MLST8: variants seen among roughly 807,000 people sequenced by gnomAD.
MLST8 encodes the protein MTOR associated protein MLST8.
A neutral mutation model predicts 41.3 loss-of-function variants in MLST8; 20 were observed. The observed-to-expected ratio is 0.48, with a 90% CI of 0.34 to 0.70. The LOEUF is 0.70. Ranked by LOEUF, MLST8 falls within the 30% of genes least tolerant of loss-of-function variation. MLST8 has a pLI of 0.01. For missense variants in MLST8, 422 were observed against 454.3 expected (o/e 0.93, Z 0.65); for synonymous variants, 243 against 183.0 (o/e 1.33, Z -2.65).
Position 2,208,221 on chromosome 16 carries a change from T to C in MLST8, c.585T>C (p.Tyr195=), listed in dbSNP as rs1596725238. The C allele has an allele frequency of 6.2e-7, 1 of 1,611,948 alleles. No individual in the cohort carries two copies. The highest frequency in any genetic ancestry group is 8.5e-7 in the Non-Finnish European group (1 of 1,178,678). ...MAAVNSTGNC[Y]VWNLTGGIGD... is the part of the protein sequence containing the mutation. ...CTCCTGACCTCTAGGGAAACTGCTA[T>C]GTCTGGAATCTGACGGGGGGCATTG... is the stretch of plus-strand genomic sequence containing the variant. The change falls in exon 7 of 9, where the codon TAT becomes TAC. Residue 195 remains tyrosine (Y), a synonymous_variant. Transcript: ENST00000569417.
intron 6 of MLST8, 121 bp downstream of exon 6, chr16:2,207,466 C>G (rs1596719173): frequency 7.9e-7 from 1 of 1,260,746 alleles, no homozygotes; most frequent in East Asian, 2.4e-5. Context: ...ATCCCGGGCA[C>G]TAACACCCAC....
chr16:2,205,855 G>T, intron 1 of MLST8, 176 bp from the exon 2 acceptor site: 1 of 1,306,344 alleles, frequency 7.7e-7, no homozygotes, highest in Non-Finnish European at 9.8e-7. Flanking sequence ...TGGAGCACGC[G>T]CCCTGGAGCC....
At position 2,209,399 on chromosome 16, in the gene MLST8, A is replaced by T; in HGVS notation, c.*522A>T. The stretch of plus-strand genomic sequence containing the variant: ...GTAATAAAAGCAGACCGACACGCAG[A>T]TGTTGCTCGGGAAGCAGATGTCGAT... On this transcript the variant is annotated 3_prime_UTR_variant, in exon 9 of 9. Coordinates refer to ENST00000569417, the MANE Select transcript of MLST8 (RefSeq NM_022372.6). 2 of 1,613,788 alleles carry T rather than the reference A, an allele frequency of 1.2e-6. No homozygotes were observed. The highest frequency in any genetic ancestry group is 1.7e-6 in the Non-Finnish European group (2 of 1,179,960).
chr16:2,208,448 A>G lies in MLST8; in HGVS notation c.699-2A>G, dbSNP rs750168104. 3 of 1,612,494 alleles carry G rather than the reference A, an allele frequency of 1.9e-6. No individual in the cohort carries two copies. The highest frequency in any genetic ancestry group is 4.5e-5 in the East Asian group (2 of 44,864). Reference sequence around the variant, plus strand: ...TGGACACGCCCCATGCCCACCCACTAGGCTCCTCGCCACCTGCTCGGCTGA... The same window carrying G: ...TGGACACGCCCCATGCCCACCCACTGGGCTCCTCGCCACCTGCTCGGCTGA... On this transcript the variant is annotated splice_acceptor_variant, in intron 7 of 8. Coordinates refer to ENST00000569417, the MANE Select transcript of MLST8 (RefSeq NM_022372.6). LOFTEE classifies it high-confidence loss of function.
chr16:2,205,915 C>G, intron 1 of MLST8, 116 bp from the exon 2 acceptor site: 1 of 1,442,454 alleles, frequency 6.9e-7, no homozygotes, highest in Non-Finnish European at 9.1e-7. Context: ...CCTACCTGCG[C>G]TTCTTGTCCC....
In MLST8 at chr16:2,208,559, C is replaced by T. The variant is rs977546789; in HGVS notation, c.808C>T (p.Arg270Cys). Residue 270 changes from arginine to cysteine, a missense_variant, in exon 8 of 9, where the codon CGC becomes TGC. Physicochemically the swap from Arg to Cys is radical, Grantham distance 180. Coordinates refer to ENST00000569417, the MANE Select transcript of MLST8 (RefSeq NM_022372.6). ...GAGCGGCAACCCCGGGGAGTCCTCCCGCGGCTGGATGTGGGGCTGCGCCTT... is the reference window on the plus strand; with the variant it reads ...GAGCGGCAACCCCGGGGAGTCCTCCTGCGGCTGGATGTGGGGCTGCGCCTT... ...IKSGNPGESS[R>C]GWMWGCAFSG... The T allele has an allele frequency of 1.1e-5, 17 of 1,612,862 alleles. No individual in the cohort carries two copies. The highest frequency in any genetic ancestry group is 1.4e-5 in the Non-Finnish European group (17 of 1,179,786).
rs972893144 is a variant in MLST8 at position 2,209,068 on chromosome 16, G to A, written c.*191G>A. ...CCCAGTTGCTTATCCAGATGTGACA[G>A]AGCTCGACCCAAGCCAGGCTGCACA... On this transcript the variant is annotated 3_prime_UTR_variant, in exon 9 of 9. Transcript: ENST00000569417. 12 of 678,638 alleles carry A rather than the reference G, an allele frequency of 1.8e-5. No homozygotes were observed. The highest frequency in any genetic ancestry group is 5.3e-5 in the Admixed American group (2 of 37,426). 42.0% of individuals were successfully genotyped at this position (678,638 alleles called of 1,614,324 possible). A position where few individuals can be genotyped will look rare whatever the true frequency, so the allele number is the denominator to read the frequency against.
intron 8 of MLST8, 37 bp downstream of exon 8, chr16:2,208,650 C>T (rs542163860): frequency 1.2e-4 from 198 of 1,611,904 alleles, no homozygotes; most frequent in African/African-American, 1.2e-4. Flanking sequence ...CCCTGGCCCC[C>T]GGCGCTGGCC....
At chr16:2,208,180 G>A (rs368486619) in intron 6 of MLST8, 30 bp from the exon 7 acceptor site, 2 of 1,579,118 alleles carry the variant, frequency 1.3e-6, no homozygotes, top group Non-Finnish European at 1.7e-6. Context: ...GAGGCCTTGG[G>A]CCCTCCGTGA....
At chr16:2,205,803 T>TG (rs3214648) in intron 1 of MLST8, 626 of 1,077,178 alleles carry the variant, frequency 5.8e-4, no homozygotes, top group East Asian at 1.7e-3. Flanking sequence ...GCTGCGGAGG[T>TG]GGGGGGGGGA....
In MLST8 at chr16:2,206,982, G is replaced by A. The variant is rs530289160; in HGVS notation, c.345-53G>A. The A allele has an allele frequency of 1.2e-4, 197 of 1,603,840 alleles. 1 individual carries two copies. The South Asian group carries it at 2.0e-3, about 17-fold the overall frequency. ...GAATGGCCAGGCCGAGGCCATCTGGGTAGGGCACCAACAAGCCCAGATGGA... is the reference window on the plus strand; with the variant it reads ...GAATGGCCAGGCCGAGGCCATCTGGATAGGGCACCAACAAGCCCAGATGGA... On this transcript the variant is annotated intron_variant, in intron 4 of 8. Transcript: ENST00000569417.
At chr16:2,205,648 G>A in intron 1 of MLST8, 136 bp downstream of exon 1, 1 of 983,872 alleles carries the variant, frequency 1.0e-6, no homozygotes, top group South Asian at 4.6e-5. Flanking sequence ...CAGCCAGACT[G>A]CGCCCTTTCC....
intron 4 of MLST8, 46 bp downstream of exon 4, chr16:2,206,705 T>C: frequency 6.3e-7 from 1 of 1,594,196 alleles, no homozygotes; most frequent in Non-Finnish European, 8.6e-7. Context: ...GGTGGGCTGC[T>C]CTGGGAGACC....
At position 2,207,291 on chromosome 16, in the gene MLST8, C is replaced by G. The variant is rs2093310198; in HGVS notation, c.519C>G (p.Ile173Met). ...EQLIPEPEVS[I>M]TSAHIDPDAS... ...TGATCCCTGAGCCCGAGGTCTCCAT[C>G]ACGTCCGCCCACATCGATCCCGACG... Residue 173 changes from isoleucine to methionine, a missense_variant, in exon 6 of 9, where the codon ATC (isoleucine) becomes ATG (methionine). Physicochemically the swap from Ile to Met is conservative, Grantham distance 10. Transcript: ENST00000569417. 1 of 1,614,090 alleles carries G rather than the reference C, an allele frequency of 6.2e-7. No homozygotes were observed. Among genetic ancestry groups the G allele is most frequent in the Non-Finnish European group, 8.5e-7 (1 of 1,180,032 alleles).
intron 4 of MLST8, 145 bp downstream of exon 4, chr16:2,206,804 T>C: frequency 9.4e-7 from 1 of 1,068,762 alleles, no homozygotes; most frequent in Non-Finnish European, 1.4e-6. Flanking sequence ...AGGAGGAGAG[T>C]GAATTGCATC....
rs755241859 is a variant in MLST8, at chr16:2,206,642, C to T, written c.327C>T (p.Ala109=). The change falls in exon 4 of 9, where the codon GCC becomes GCT. Residue 109 remains alanine, a synonymous_variant. Transcript: ENST00000569417. ...WMYTGGEDCT[A]RIWDLRSRNL... ...ACACGGGCGGCGAGGACTGCACAGC[C>T]AGGATCTGGGACCTCAGGTGCGGTG... 2 of 1,613,434 alleles carry T rather than the reference C, an allele frequency of 1.2e-6. No homozygotes were observed. The highest frequency in any genetic ancestry group is 1.7e-5 in the Admixed American group (1 of 59,994).
Position 2,206,820 on chromosome 16 carries a change from G to A in MLST8, c.344+161G>A, listed in dbSNP as rs117300624. The A allele has an allele frequency of 4.4e-4, 447 of 1,023,278 alleles. 3 individuals are homozygous for A. Among genetic ancestry groups the A allele is most frequent in the South Asian group, 3.0e-3 (228 of 75,300 alleles). The allele number at this position is 1,023,278 out of a possible 1,614,324, so 63.4% of individuals were successfully genotyped here. A position where few individuals can be genotyped will look rare whatever the true frequency, so the allele number is the denominator to read the frequency against. ...GGAGGAGAGTGAATTGCATCAGAGC[G>A]CGAGTCCTGCCTTGAGCCCGGAGCC... On this transcript the variant is annotated intron_variant, in intron 4 of 8. Transcript: ENST00000569417.
Position 2,209,278 on chromosome 16 carries a change from C to G in MLST8, c.*401C>G. The G allele has an allele frequency of 7.8e-7, 1 of 1,284,484 alleles. No individual in the cohort carries two copies. The highest frequency in any genetic ancestry group is 1.1e-6 in the Non-Finnish European group (1 of 904,376). The allele number at this position is 1,284,484 out of a possible 1,614,324, so 79.6% of individuals were successfully genotyped here. A position where few individuals can be genotyped will look rare whatever the true frequency, so the allele number is the denominator to read the frequency against. On this transcript the variant is annotated 3_prime_UTR_variant, in exon 9 of 9. Transcript: ENST00000569417. The stretch of plus-strand genomic sequence containing the variant: ...GCCAGGTGGAAGGGTTTATTAGTCC[C>G]TGCCAGCAGCTGTCCTCCCTGGTGC...
At chr16:2,207,973 A>C in intron 6 of MLST8, 12 of 434,952 alleles carry the variant, frequency 2.8e-5, no homozygotes, top group South Asian at 4.3e-5. Flanking sequence ...TCCTCCAGGA[A>C]GGAGAATTTG....
Sources: gnomAD v4.1 joint callset for allele counts on GRCh38, gnomAD v4.1.1 for gene constraint, MANE v1.5 for transcripts, NCBI Gene and HGNC (gene_info 2026-07-23, HGNC 2026-07-21) for gene names.